UNC13C: variants seen among roughly 807,000 people sequenced by gnomAD.
UNC13C encodes unc-13 homolog C.
A neutral mutation model predicts 245.4 loss-of-function variants in UNC13C; 174 were observed. The observed-to-expected ratio is 0.71, with a 90% CI of 0.63 to 0.80. The LOEUF is 0.80. Ranked by LOEUF, UNC13C falls within the 30% of genes least tolerant of loss-of-function variation. The pLI is 0.00. For missense variants in UNC13C, 2,829 were observed against 2,602.9 expected (o/e 1.09, Z -1.89); for synonymous variants, 992 against 895.1 (o/e 1.11, Z -1.93).
At chr15:54,542,845 T>G (rs894711347) in intron 26 of UNC13C, among the ~76,000 whole-genome samples, 1 of 152,168 alleles carries the variant, frequency 6.6e-6, no homozygotes, top group Admixed American at 6.6e-5. Context: ...GCTTTTGATG[T>G]GCTTGGTTAA....
chr15:54,055,922 AAG>A (rs1331958742), intron 2 of UNC13C, among the ~76,000 whole-genome samples: 7 of 152,292 alleles, frequency 4.6e-5, no homozygotes, highest in Admixed American at 3.3e-4. Context: ...AAATGACTGC[AAG>A]AGAGTTGTGG....
chr15:54,297,716 T>G (rs540077886), intron 11 of UNC13C, 95 bp from the exon 12 acceptor site: 14 of 888,678 alleles, frequency 1.6e-5, no homozygotes, highest in Non-Finnish European at 2.3e-5. Flanking sequence ...ACTTAAGCCG[T>G]TTTTTTGTTT....
At chr15:54,264,453 G>C in intron 9 of UNC13C, 58 bp downstream of exon 9, 2 of 1,238,350 alleles carry the variant, frequency 1.6e-6, no homozygotes, top group Non-Finnish European at 2.3e-6. Context: ...ATGTGCCCTA[G>C]AAATAACTGC....
chr15:53,887,450 C>T, the UNC13C span, among the ~76,000 whole-genome samples: 1 of 152,118 alleles, frequency 6.6e-6, no homozygotes, highest in African/African-American at 2.4e-5. Context: ...ACATTTTTTA[C>T]TGCTTATCCT....
At chr15:54,329,006 A>G (rs1189618601) in intron 14 of UNC13C, among the ~76,000 whole-genome samples, 2 of 151,614 alleles carry the variant, frequency 1.3e-5, no homozygotes, top group South Asian at 4.2e-4. Flanking sequence ...AAAGTGAAAA[A>G]TATTTACTAA....
the UNC13C span, among the ~76,000 whole-genome samples, chr15:53,963,729 A>G: frequency 2.0e-5 from 3 of 152,224 alleles, no homozygotes; most frequent in Non-Finnish European, 4.4e-5. Flanking sequence ...TGAGATGCTC[A>G]AGGAAGACAT....
At chr15:54,605,655 A>G (rs1259821832) in intron 30 of UNC13C, among the ~76,000 whole-genome samples, 1 of 152,188 alleles carries the variant, frequency 6.6e-6, no homozygotes, top group Non-Finnish European at 1.5e-5. Context: ...AATCATCCTA[A>G]CCAAGTTTTA....
chr15:53,929,858 A>G, the UNC13C span, among the ~76,000 whole-genome samples: 3 of 152,224 alleles, frequency 2.0e-5, no homozygotes, highest in Non-Finnish European at 4.4e-5. Flanking sequence ...TAGAATTCCT[A>G]TGAGAATAAT....
chr15:54,213,189 T>A (rs967116624), intron 4 of UNC13C, among the ~76,000 whole-genome samples: 7 of 152,024 alleles, frequency 4.6e-5, no homozygotes, highest in Admixed American at 3.3e-4. Flanking sequence ...AATGTTTACA[T>A]ATATTGAAGC....
the UNC13C span, among the ~76,000 whole-genome samples, chr15:53,887,501 TA>T: frequency 1.4e-4 from 21 of 152,190 alleles, no homozygotes; most frequent in Non-Finnish European, 2.4e-4. Context: ...TTTTGCTTTT[TA>T]ATAAGTTGAA....
chr15:54,319,759 G>C (rs2038101501), intron 13 of UNC13C, among the ~76,000 whole-genome samples: 1 of 118,066 alleles, frequency 8.5e-6, no homozygotes, highest in Admixed American at 7.6e-5. Flanking sequence ...TAAGATATGA[G>C]AGCAAAATAG....
At chr15:53,997,425 A>G (rs536044003) in intron 1 of UNC13C, among the ~76,000 whole-genome samples, 13 of 152,234 alleles carry the variant, frequency 8.5e-5, no homozygotes, top group Non-Finnish European at 1.5e-4. Context: ...AAGTTATCAA[A>G]TTTCTGTTTT....
chr15:54,624,953 A>G (rs1220969021), intron 32 of UNC13C, among the ~76,000 whole-genome samples: 1 of 152,094 alleles, frequency 6.6e-6, no homozygotes, highest in Non-Finnish European at 1.5e-5. Flanking sequence ...AGAGGAGAGA[A>G]AGAGTCATTA....
At chr15:54,490,103 T>G (rs1018353960) in intron 19 of UNC13C, among the ~76,000 whole-genome samples, 1 of 152,180 alleles carries the variant, frequency 6.6e-6, no homozygotes, top group African/African-American at 2.4e-5. Context: ...TTAATTCCCA[T>G]GGGTTTAGAA....
intron 29 of UNC13C, among the ~76,000 whole-genome samples, chr15:54,563,384 C>A (rs1360496372): frequency 6.6e-6 from 1 of 152,012 alleles, no homozygotes; most frequent in Non-Finnish European, 1.5e-5. Context: ...CATAGTCCTT[C>A]AACTGAGAGG....
chr15:54,095,850 G>T (rs1223037521), intron 2 of UNC13C, among the ~76,000 whole-genome samples: 1 of 152,228 alleles, frequency 6.6e-6, no homozygotes, highest in Non-Finnish European at 1.5e-5. Context: ...TATATTAGTA[G>T]TTCCATGGGA....
chr15:54,296,735 G>A (rs1567168026), intron 11 of UNC13C, among the ~76,000 whole-genome samples: 1 of 152,054 alleles, frequency 6.6e-6, no homozygotes, highest in Non-Finnish European at 1.5e-5. Flanking sequence ...TTAGAAAGAG[G>A]GCCAATTTAA....
intron 2 of UNC13C, among the ~76,000 whole-genome samples, chr15:54,104,777 T>A (rs750854246): frequency 6.6e-6 from 1 of 152,204 alleles, no homozygotes; most frequent in Non-Finnish European, 1.5e-5. Flanking sequence ...TGTATCCACC[T>A]TTCATATTAG....
chr15:54,627,228 G>T lies in UNC13C; in HGVS notation c.*115G>T, dbSNP rs898427146. 1 of 1,104,422 alleles carries T rather than the reference G, an allele frequency of 9.1e-7. No individual in the cohort carries two copies. Among genetic ancestry groups the T allele is most frequent in the Non-Finnish European group, 1.3e-6 (1 of 795,814 alleles). 68.4% of individuals were successfully genotyped at this position (1,104,422 alleles called of 1,614,324 possible). A position where few individuals can be genotyped will look rare whatever the true frequency, so the allele number is the denominator to read the frequency against. On this transcript the variant is annotated 3_prime_UTR_variant, in exon 33 of 33. Coordinates refer to ENST00000260323, the MANE Select transcript of UNC13C (RefSeq NM_001080534.3). ...TCAATGTTTGCCAGTACTCATGTAC[G>T]ATGTCTACAAGGTATGTAAAAAACC...
Sources: allele counts gnomAD v4.1 joint callset (sites outside exome capture counted in the v4.1 genomes callset), GRCh38; gene constraint gnomAD v4.1.1; transcripts MANE v1.5; gene names NCBI Gene and HGNC (gene_info 2026-07-23, HGNC 2026-07-21).